Variants in GNAO1 observed in about 807,000 individuals in gnomAD.
GNAO1 encodes the protein guanine nucleotide-binding protein G(o) subunit alpha.
For missense variants in GNAO1, 166 were observed against 478.7 expected (o/e 0.35, Z 6.10); for synonymous variants, 164 against 180.7 (o/e 0.91, Z 0.74).
At chr16:56,230,136 T>A (rs201309465) in intron 2 of GNAO1, among the ~76,000 whole-genome samples, 15 of 150,928 alleles carry the variant, frequency 9.9e-5, no homozygotes, top group East Asian at 9.7e-4. Context: ...AAAAAAAAAA[T>A]GTCAATGAAA....
intron 2 of GNAO1, among the ~76,000 whole-genome samples, chr16:56,221,422 G>A (rs2036486807): frequency 6.6e-6 from 1 of 151,880 alleles, no homozygotes; most frequent in South Asian, 2.1e-4. Flanking sequence ...AGCCAAAGTG[G>A]GTGGATCCCT....
At chr16:56,237,569 A>G (rs1477342750) in intron 2 of GNAO1, among the ~76,000 whole-genome samples, 2 of 152,158 alleles carry the variant, frequency 1.3e-5, no homozygotes, top group Non-Finnish European at 2.9e-5. Context: ...TAGGGGAAAA[A>G]CACAGCCGGT....
chr16:56,242,948 G>A (rs116837142), intron 2 of GNAO1, among the ~76,000 whole-genome samples: 6,633 of 152,144 alleles, frequency 0.044, 322 homozygotes, highest in African/African-American at 0.11. Flanking sequence ...GCTCCCTATC[G>A]CTCACATTAC....
At chr16:56,289,040 G>C (rs980615082) in intron 3 of GNAO1, among the ~76,000 whole-genome samples, 1 of 152,102 alleles carries the variant, frequency 6.6e-6, no homozygotes. Context: ...AAAAGGGGGG[G>C]GGAGCGGAAA....
chr16:56,298,979 A>G (rs982432099), intron 3 of GNAO1, among the ~76,000 whole-genome samples: 3 of 151,938 alleles, frequency 2.0e-5, no homozygotes, highest in South Asian at 4.1e-4. Flanking sequence ...TGTCATGTGG[A>G]TTGGGCAGAA....
chr16:56,219,491 G>A (rs1312218945), intron 2 of GNAO1, among the ~76,000 whole-genome samples: 1 of 152,172 alleles, frequency 6.6e-6, no homozygotes, highest in Non-Finnish European at 1.5e-5. Context: ...CATCATGACT[G>A]TATGTCCTCC....
chr16:56,238,859 A>G (rs1178158931), intron 2 of GNAO1, among the ~76,000 whole-genome samples: 4 of 152,284 alleles, frequency 2.6e-5, no homozygotes, highest in African/African-American at 9.6e-5. Flanking sequence ...TTGGGTATAT[A>G]TGTTTCTAGA....
intron 3 of GNAO1, among the ~76,000 whole-genome samples, chr16:56,282,750 T>A (rs2037126923): frequency 6.6e-6 from 1 of 152,238 alleles, no homozygotes; most frequent in South Asian, 2.1e-4. Flanking sequence ...ATGGAGGTTA[T>A]ACATTGGTTT....
At chr16:56,318,334 C>A (rs1040828820) in intron 3 of GNAO1, among the ~76,000 whole-genome samples, 3 of 152,188 alleles carry the variant, frequency 2.0e-5, no homozygotes, top group South Asian at 2.1e-4. Flanking sequence ...CAGGCTGGGC[C>A]CCCCCAGCGG....
At chr16:56,274,355 A>G (rs1232718860) in intron 2 of GNAO1, among the ~76,000 whole-genome samples, 3 of 152,216 alleles carry the variant, frequency 2.0e-5, no homozygotes, top group Non-Finnish European at 4.4e-5. Flanking sequence ...AGTGGCCTGT[A>G]CTGGTTATGT....
chr16:56,264,730 TA>T (rs1167553612), intron 2 of GNAO1, among the ~76,000 whole-genome samples: 3 of 149,298 alleles, frequency 2.0e-5, no homozygotes, highest in African/African-American at 7.3e-5. Flanking sequence ...AATATAGTAT[TA>T]AAAATATAGT....
chr16:56,332,057 C>A (rs1340500194), intron 4 of GNAO1, among the ~76,000 whole-genome samples: 1 of 152,202 alleles, frequency 6.6e-6, no homozygotes, highest in Non-Finnish European at 1.5e-5. Flanking sequence ...CCACTCACAC[C>A]CTCCACAGCC....
intron 2 of GNAO1, among the ~76,000 whole-genome samples, chr16:56,233,600 A>T (rs77467936): frequency 0.016 from 2,433 of 152,288 alleles, 25 homozygotes; most frequent in Non-Finnish European, 0.025. Flanking sequence ...TGGCAGTGTC[A>T]TCTGAATGTT....
chr16:56,329,040 G>C (rs533391374), intron 4 of GNAO1: 29 of 481,494 alleles, frequency 6.0e-5, no homozygotes, highest in Non-Finnish European at 9.0e-5. Context: ...AATTCCCAGA[G>C]GGCCGGGACC....
Position 56,356,773 on chromosome 16 carries a change from CTT to C in GNAO1, c.*712_*713del, listed in dbSNP as rs34175199. On this transcript the variant is annotated 3_prime_UTR_variant, in exon 9 of 9. Coordinates refer to ENST00000262493, the MANE Select transcript of GNAO1 (RefSeq NM_020988.3). ...AGCCTTTGTAGGGGTTTTTTGGTTC[CTT>C]TTTTTTTTTTTTCAGTTTTTGTTTT... is the stretch of plus-strand genomic sequence containing the variant. 0.21 allele frequency: 29,961 copies of C among 142,722 alleles called. 3,386 individuals are homozygous for C. The highest frequency in any genetic ancestry group is 0.28 in the South Asian group (1,281 of 4,524). The allele number at this position is 142,722 out of a possible 1,614,324, so 8.8% of individuals were successfully genotyped here.
chr16:56,350,893 CCACACACACAGG>C (rs1215396997), intron 6 of GNAO1, among the ~76,000 whole-genome samples: 6 of 152,258 alleles, frequency 3.9e-5, no homozygotes, highest in South Asian at 2.1e-4. Context: ...CCCCCAACGC[CCACACACACAGG>C]CACACACACA....
intron 6 of GNAO1, chr16:56,344,518 G>C: frequency 1.0e-6 from 1 of 988,620 alleles, no homozygotes; most frequent in Non-Finnish European, 1.2e-6. Context: ...CTGGGTCTCA[G>C]CCCTTCCTTC....
chr16:56,304,432 A>AC (rs1249022896), intron 3 of GNAO1, among the ~76,000 whole-genome samples: 1 of 152,222 alleles, frequency 6.6e-6, no homozygotes, highest in Non-Finnish European at 1.5e-5. Context: ...TGTTCAAAAT[A>AC]CGGGATATAT....
At chr16:56,215,198 G>A (rs1430472179) in intron 2 of GNAO1, among the ~76,000 whole-genome samples, 1 of 152,206 alleles carries the variant, frequency 6.6e-6, no homozygotes, top group African/African-American at 2.4e-5. Context: ...TCTGGAAGCT[G>A]AACCACACTG....
Sources: gnomAD v4.1 joint callset for allele counts (sites outside exome capture counted in the v4.1 genomes callset) on GRCh38, gnomAD v4.1.1 for gene constraint, MANE v1.5 for transcripts, NCBI Gene and HGNC (gene_info 2026-07-23, HGNC 2026-07-21) for gene names.